Variants in TMEM52B observed in about 807,000 individuals in gnomAD.
TMEM52B encodes the protein chromosome 12 open reading frame 59.
In TMEM52B, 11 loss-of-function variants were observed where a neutral mutation model predicts 16.1. That is an observed-to-expected ratio of 0.68 (90% CI 0.43 to 1.13). TMEM52B has a LOEUF of 1.13. Ranked by LOEUF, TMEM52B falls within the 50% of genes most tolerant of loss-of-function variation. TMEM52B has a pLI of 0.00. For synonymous variants in TMEM52B, 101 were observed against 93.8 expected (o/e 1.08, Z -0.45); for missense variants, 243 against 230.4 (o/e 1.05, Z -0.35).
chr12:10,190,295 T>G lies in TMEM52B; in HGVS notation c.*155T>G. ...TTCTTACTCTTCGTTCACAGGCCTT[T>G]ATATCTTCCGATACAGAATGCTCTA... is the stretch of plus-strand genomic sequence containing the variant. On this transcript the variant is annotated 3_prime_UTR_variant, in exon 5 of 5. Coordinates refer to ENST00000543484, the MANE Select transcript of TMEM52B (RefSeq NM_001384896.1). 4.1e-6 allele frequency: 4 copies of G among 971,902 alleles called. No individual in the cohort carries two copies. The highest frequency in any genetic ancestry group is 2.8e-5 in the Admixed American group (1 of 35,172). The allele number at this position is 971,902 out of a possible 1,614,324, so 60.2% of individuals were successfully genotyped here. A position where few individuals can be genotyped will look rare whatever the true frequency, so the allele number is the denominator to read the frequency against.
chr12:10,171,358 T>C (rs1185742217), intron 1 of TMEM52B, among the ~76,000 whole-genome samples: 1 of 152,252 alleles, frequency 6.6e-6, no homozygotes, highest in African/African-American at 2.4e-5. Context: ...ATTGGGATTA[T>C]GAATTAATTT....
chr12:10,178,245 G>C (rs905277407), upstream of TMEM52B, among the ~76,000 whole-genome samples: 1 of 151,626 alleles, frequency 6.6e-6, no homozygotes, highest in African/African-American at 2.4e-5. Flanking sequence ...GGCCAGGCAC[G>C]GTGGCTCACG....
chr12:10,176,374 C>T (rs999019883), upstream of TMEM52B, among the ~76,000 whole-genome samples: 2 of 151,892 alleles, frequency 1.3e-5, no homozygotes, highest in African/African-American at 4.8e-5. Context: ...TTAACAGAAC[C>T]TATTTTGTTC....
chr12:10,171,871 T>C, intron 1 of TMEM52B: 2 of 621,874 alleles, frequency 3.2e-6, no homozygotes, highest in Admixed American at 5.9e-5. Flanking sequence ...GTTTTTCTTT[T>C]AAGTAAATGG....
In TMEM52B at chr12:10,182,583, A is replaced by G. The variant is rs1021506879; in HGVS notation, c.88A>G (p.Asn30Asp). The G allele has an allele frequency of 7.8e-6, 12 of 1,535,420 alleles. No homozygotes were observed. The highest frequency in any genetic ancestry group is 1.7e-4 in the Middle Eastern group (1 of 6,008). The change falls in exon 2 of 5, where the codon AAT becomes GAT. Residue 30 changes from asparagine (N) to aspartate (D), a missense_variant. Asn to Asp is a conservative substitution (Grantham distance 23). Transcript: ENST00000543484. ...GACGAGATGTGAGGAAAACTGTGGTAATCCTGAACAGTAAGTATAGAGTTC... is the reference window on the plus strand; with the variant it reads ...GACGAGATGTGAGGAAAACTGTGGTGATCCTGAACAGTAAGTATAGAGTTC... ...SGTRCEENCGNPEHCLTTDWV... is the reference protein window; with the variant it reads ...SGTRCEENCGDPEHCLTTDWV...
Position 10,190,479 on chromosome 12 carries a change from T to C in TMEM52B, c.*339T>C. Reference sequence around the variant, plus strand: ...TACCCACATGATACTGCAAGTTGTGTCTCTCTCTGTCAGCGAATCCACTGC... The same window carrying C: ...TACCCACATGATACTGCAAGTTGTGCCTCTCTCTGTCAGCGAATCCACTGC... On this transcript the variant is annotated 3_prime_UTR_variant, in exon 5 of 5. Coordinates refer to ENST00000543484, the MANE Select transcript of TMEM52B (RefSeq NM_001384896.1). 4.0e-6 allele frequency: 1 copy of C among 253,158 alleles called. No individual in the cohort carries two copies. The highest frequency in any genetic ancestry group is 7.9e-6 in the Non-Finnish European group (1 of 127,050). 15.7% of individuals were successfully genotyped at this position (253,158 alleles called of 1,614,324 possible).
chr12:10,187,333 C>A (rs1366057559), intron 4 of TMEM52B, among the ~76,000 whole-genome samples: 3 of 151,956 alleles, frequency 2.0e-5, no homozygotes, highest in African/African-American at 7.2e-5. Context: ...AACTCCTGAC[C>A]TTGTGATCCA....
At chr12:10,182,137 T>C in intron 1 of TMEM52B, 1 of 984,814 alleles carries the variant, frequency 1.0e-6, no homozygotes, top group African/African-American at 1.8e-5. Flanking sequence ...TTTCCCCTTC[T>C]TCCTTTGTAT....
chr12:10,181,750 G>A lies in TMEM52B; in HGVS notation c.55-800G>A, dbSNP rs529534681. 2.1e-3 allele frequency among the ~76,000 whole-genome samples: 313 copies of A among 151,604 alleles called. 1 individual carries two copies. The highest frequency in any genetic ancestry group is 7.3e-3 in the African/African-American group (302 of 41,342). The stretch of plus-strand genomic sequence containing the variant: ...AAATATTAAGAGTTCATGGCCGGGC[G>A]CGGTGGCTCACACCTGTAATCCCAA... On this transcript the variant is annotated intron_variant, in intron 1 of 4. Coordinates refer to ENST00000543484, the MANE Select transcript of TMEM52B (RefSeq NM_001384896.1).
Position 10,186,486 on chromosome 12 carries a change from C to T in TMEM52B, c.204C>T (p.Cys68=). The change falls in exon 4 of 5, where the codon TGC becomes TGT. Residue 68 remains cysteine (C), a synonymous_variant. Transcript: ENST00000543484. The part of the protein sequence containing the change: ...CGLTSLCFRC[C]CLSRQQNGED... ...TGACGTCCCTGTGCTTCCGCTGCTG[C>T]TGTCTGAGCCGCCAGCAAAATGGGG... 1.2e-6 allele frequency: 2 copies of T among 1,612,238 alleles called. No homozygotes were observed. The highest frequency in any genetic ancestry group is 1.7e-6 in the Non-Finnish European group (2 of 1,178,552).
intron 2 of TMEM52B, among the ~76,000 whole-genome samples, chr12:10,183,546 CAGAA>C (rs1315358804): frequency 2.0e-5 from 3 of 152,236 alleles, no homozygotes; most frequent in East Asian, 1.9e-4. Context: ...ATTCCTGTAT[CAGAA>C]AGAATTATTA....
chr12:10,185,629 G>A (rs773435202), intron 3 of TMEM52B, among the ~76,000 whole-genome samples: 3 of 152,260 alleles, frequency 2.0e-5, no homozygotes, highest in Non-Finnish European at 2.9e-5. Context: ...GAGCCTGGCC[G>A]GGCGTGGTGG....
chr12:10,185,457 G>T, intron 3 of TMEM52B, 89 bp downstream of exon 3: 2 of 972,716 alleles, frequency 2.1e-6, no homozygotes, highest in African/African-American at 1.6e-5. Context: ...GCATCTCATG[G>T]AGTAAGATTT....
rs112067065 is a variant in TMEM52B, at chr12:10,187,752, G to A, written c.307+1163G>A. Among the ~76,000 whole-genome samples the A allele has an allele frequency of 3.4e-3, 515 of 152,106 alleles. 3 individuals carry two copies. Among genetic ancestry groups the A allele is most frequent in the African/African-American group, 0.012 (499 of 41,482 alleles). ...GGACTATGCTCTTTCCTAAAATTGAGGAGCAAGTACCAGTCAGAACACCAG... is the reference window on the plus strand; with the variant it reads ...GGACTATGCTCTTTCCTAAAATTGAAGAGCAAGTACCAGTCAGAACACCAG... On this transcript the variant is annotated intron_variant, in intron 4 of 4. Transcript: ENST00000543484.
chr12:10,189,112 A>G (rs1272873969), intron 4 of TMEM52B, among the ~76,000 whole-genome samples: 1 of 144,456 alleles, frequency 6.9e-6, no homozygotes, highest in Non-Finnish European at 1.5e-5. Context: ...GAGGCAGGAG[A>G]GAATTGTTTG....
Position 10,189,016 on chromosome 12 carries a change from C to CAAAA in TMEM52B, c.308-848_308-845dup, listed in dbSNP as rs869240234. 8.6e-3 allele frequency among the ~76,000 whole-genome samples: 486 copies of CAAAA among 56,478 alleles called. 47 individuals are homozygous for CAAAA. Among genetic ancestry groups the CAAAA allele is most frequent in the African/African-American group, 0.015 (186 of 12,342 alleles). 37.1% of individuals were successfully genotyped at this position (56,478 alleles called of 152,430 possible). ...TGGGCGACAGAGCGAGACTCCGTCT[C>CAAAA]AAAAAAAAAAAAAAAAAAAAAAAAA... On this transcript the variant is annotated intron_variant, in intron 4 of 4. Transcript: ENST00000543484.
Position 10,190,016 on chromosome 12 carries a change from A to G in TMEM52B, c.428A>G (p.His143Arg). 1 of 1,614,204 alleles carries G rather than the reference A, an allele frequency of 6.2e-7. No individual in the cohort carries two copies. Among genetic ancestry groups the G allele is most frequent in the South Asian group, 1.1e-5 (1 of 91,082 alleles). The change falls in exon 5 of 5, where the codon CAC becomes CGC. Residue 143 changes from histidine to arginine, a missense_variant. Physicochemically the swap from His to Arg is conservative, Grantham distance 29. Coordinates refer to ENST00000543484, the MANE Select transcript of TMEM52B (RefSeq NM_001384896.1). Reference protein sequence around the residue: ...DTLPGYEEALHMSRFTVAMCG... With the variant: ...DTLPGYEEALRMSRFTVAMCG... The stretch of plus-strand genomic sequence containing the variant: ...CTCCCAGGGTATGAAGAAGCTCTTC[A>G]CATGAGTCGCTTCACAGTAGCCATG...
At chr12:10,177,217 C>A (rs1362922317), upstream of TMEM52B, among the ~76,000 whole-genome samples, 1 of 152,128 alleles carries the variant, frequency 6.6e-6, no homozygotes, top group Non-Finnish European at 1.5e-5. Flanking sequence ...CTGGAAATCA[C>A]CCTTCATCCT....
rs1948828121 is a variant in TMEM52B at position 10,181,963 on chromosome 12, G to A, written c.55-587G>A. 2.1e-5 allele frequency among the ~76,000 whole-genome samples: 3 copies of A among 144,864 alleles called. No homozygotes were observed. In the Admixed American group the frequency reaches 2.1e-4, roughly 10 times the overall value. ...AATTGCTTGAACCCGGGAGGTAGAGGTTGCAGTGAGCCAAGATCACGCCAC... is the reference window on the plus strand; with the variant it reads ...AATTGCTTGAACCCGGGAGGTAGAGATTGCAGTGAGCCAAGATCACGCCAC... On this transcript the variant is annotated intron_variant, in intron 1 of 4. Transcript: ENST00000543484.
Sources: gnomAD v4.1 joint callset for allele counts (sites outside exome capture counted in the v4.1 genomes callset) on GRCh38, gnomAD v4.1.1 for gene constraint, MANE v1.5 for transcripts, NCBI Gene and HGNC (gene_info 2026-07-23, HGNC 2026-07-21) for gene names.